The following ETV1 variants were observed in gnomAD, a reference collection of about 807,000 sequenced individuals.
ETV1 encodes ETS variant transcription factor 1, also known as ETS translocation variant 1.
ETV1 carries 27 observed loss-of-function variants against 62.3 expected under a neutral mutation model. The observed-to-expected ratio is 0.43, with a 90% CI of 0.32 to 0.60. The LOEUF (loss-of-function observed/expected upper bound fraction) is 0.60, where lower values mean the gene tolerates loss of function less well. ETV1 is among the 20% of genes least tolerant of loss of function. The pLI, the probability that ETV1 is intolerant of heterozygous loss-of-function variation, is 0.06. For missense variants in ETV1, 605 were observed against 605.8 expected, an observed-to-expected ratio of 1.00 and a Z score of 0.01; for synonymous variants, 222 against 199.6, an observed-to-expected ratio of 1.11 and a Z score of -0.94.
chr7:13,917,651 G>C (rs1208790702), intron 9 of ETV1, among the ~76,000 whole-genome samples: 5 of 149,400 alleles, frequency 3.3e-5, no homozygotes, highest in Non-Finnish European at 5.9e-5. Context: ...ACCATACTCT[G>C]ACAATTAACA....
chr7:13,980,601 C>T (rs1781881154), intron 5 of ETV1, among the ~76,000 whole-genome samples: 1 of 152,042 alleles, frequency 6.6e-6, no homozygotes, highest in African/African-American at 2.4e-5. Flanking sequence ...TACCAAAAGA[C>T]CAATAAAATG....
chr7:13,907,187 G>C (rs140668695), intron 11 of ETV1, among the ~76,000 whole-genome samples: 3,899 of 152,088 alleles, frequency 0.026, 74 homozygotes, highest in Middle Eastern at 0.082. Context: ...AAATCTTGTG[G>C]GTAATTCAGG....
At chr7:13,906,790 C>G (rs571079282) in intron 11 of ETV1, among the ~76,000 whole-genome samples, 191 bp from the exon 12 acceptor site, 48 of 152,018 alleles carry the variant, frequency 3.2e-4, no homozygotes, top group South Asian at 6.2e-4. Flanking sequence ...GCAAGCTGTA[C>G]GAACTTACAG....
chr7:13,938,494 A>G (rs1017534776), intron 7 of ETV1, among the ~76,000 whole-genome samples: 7 of 152,348 alleles, frequency 4.6e-5, no homozygotes, highest in African/African-American at 1.4e-4. Context: ...TCTTTATGCA[A>G]TTAAAGGCCA....
intron 6 of ETV1, among the ~76,000 whole-genome samples, chr7:13,946,084 G>A (rs1041491287): frequency 6.6e-6 from 1 of 152,184 alleles, no homozygotes; most frequent in South Asian, 2.1e-4. Context: ...TTCTTCAAGT[G>A]TACCAAATCA....
intron 4 of ETV1, 168 bp from the exon 5 acceptor site, chr7:13,986,853 C>A: frequency 3.4e-6 from 2 of 580,162 alleles, no homozygotes; most frequent in Non-Finnish European, 3.0e-6. Context: ...AATAATACTG[C>A]CTACTTTTCA....
intron 11 of ETV1, among the ~76,000 whole-genome samples, chr7:13,906,892 T>A (rs1032086941): frequency 2.0e-5 from 3 of 152,094 alleles, no homozygotes; most frequent in African/African-American, 7.2e-5. Flanking sequence ...GAACTATCTT[T>A]TTTTTTAAAT....
At chr7:13,941,862 CGAATAAAT>C (rs1299694639) in intron 6 of ETV1, among the ~76,000 whole-genome samples, 2 of 116,880 alleles carry the variant, frequency 1.7e-5, no homozygotes, top group African/African-American at 6.6e-5. Flanking sequence ...GATTCTGCCT[CGAATAAAT>C]AAATAAATAA....
Position 13,893,302 on chromosome 7 carries a change from AC to A in ETV1, c.*2563del, listed in dbSNP as rs1781504675. 4.3e-6 allele frequency: 1 copy of A among 231,982 alleles called. No homozygotes were observed. The highest frequency in any genetic ancestry group is 2.2e-5 in the African/African-American group (1 of 45,306). The allele number at this position is 231,982 out of a possible 1,614,324, so 14.4% of individuals were successfully genotyped here. On this transcript the variant is annotated 3_prime_UTR_variant, in exon 14 of 14. Coordinates refer to ENST00000430479, the MANE Select transcript of ETV1 (RefSeq NM_004956.5). The stretch of plus-strand genomic sequence containing the variant: ...AATCAGCTGCCAGATTTATTAATCT[AC>A]CTGAAAACAAAAACATAAAAACTCA...
At position 13,965,014 on chromosome 7, in the gene ETV1, G is replaced by A. The variant is rs141248404; in HGVS notation, c.235+12413C>T. Among the ~76,000 whole-genome samples the A allele has an allele frequency of 8.1e-4, 123 of 152,120 alleles. 1 individual carries two copies. In the East Asian group the frequency reaches 0.019, roughly 23 times the overall value. On this transcript the variant is annotated intron_variant, in intron 6 of 13. Coordinates refer to ENST00000430479, the MANE Select transcript of ETV1 (RefSeq NM_004956.5). ...TATAATGGGAATTCCATGAACATTA[G>A]TAATACTCCTACTACTACTACTAAT...
At chr7:13,896,501 C>T (rs546911675) in intron 13 of ETV1, among the ~76,000 whole-genome samples, 3 of 152,096 alleles carry the variant, frequency 2.0e-5, no homozygotes, top group South Asian at 2.1e-4. Flanking sequence ...CACTGTCCCT[C>T]TTAATATTAC....
rs138434078 is a variant in ETV1, at chr7:13,955,368, G to C, written c.236-16122C>G. Among the ~76,000 whole-genome samples, 944 of 152,258 alleles carry C rather than the reference G, an allele frequency of 6.2e-3. 8 individuals are homozygous for C. The highest frequency in any genetic ancestry group is 0.022 in the African/African-American group (901 of 41,550). Reference sequence around the variant, plus strand: ...TATGACATACAAAAGTAAAGACTGTGATTGGGCAGGGCCACTTTTTTTTAA... The same window carrying C: ...TATGACATACAAAAGTAAAGACTGTCATTGGGCAGGGCCACTTTTTTTTAA... On this transcript the variant is annotated intron_variant, in intron 6 of 13. Transcript: ENST00000430479.
At chr7:13,935,473 A>G (rs1786696174) in intron 8 of ETV1, among the ~76,000 whole-genome samples, 1 of 152,246 alleles carries the variant, frequency 6.6e-6, no homozygotes, top group Non-Finnish European at 1.5e-5. Context: ...CAGTAGATAG[A>G]TTAATTTTCC....
intron 9 of ETV1, among the ~76,000 whole-genome samples, chr7:13,929,333 G>A (rs1775820971): frequency 6.6e-6 from 1 of 152,146 alleles, no homozygotes; most frequent in Non-Finnish European, 1.5e-5. Context: ...TATACAATCT[G>A]TTAAAATTTC....
intron 8 of ETV1, among the ~76,000 whole-genome samples, chr7:13,935,240 G>A (rs1314782835): frequency 6.6e-6 from 1 of 152,008 alleles, no homozygotes; most frequent in Admixed American, 6.6e-5. Context: ...TGGAAAAGAT[G>A]GTCAACAGTT....
At chr7:13,918,069 A>G (rs1784391014) in intron 9 of ETV1, among the ~76,000 whole-genome samples, 1 of 152,194 alleles carries the variant, frequency 6.6e-6, no homozygotes, top group African/African-American at 2.4e-5. Flanking sequence ...GTGGAATTTC[A>G]ATTTTAAATT....
At chr7:13,934,447 G>C (rs1310160346) in intron 8 of ETV1, among the ~76,000 whole-genome samples, 1 of 152,176 alleles carries the variant, frequency 6.6e-6, no homozygotes, top group Non-Finnish European at 1.5e-5. Flanking sequence ...AGTTGCCAGT[G>C]GCACATCTTC....
chr7:13,924,577 C>G (rs1785201325), intron 9 of ETV1, among the ~76,000 whole-genome samples: 1 of 152,118 alleles, frequency 6.6e-6, no homozygotes, highest in South Asian at 2.1e-4. Context: ...AAGCACACCT[C>G]GTATCTTCAA....
chr7:13,903,880 C>A (rs1450255294), intron 12 of ETV1, among the ~76,000 whole-genome samples: 1 of 151,866 alleles, frequency 6.6e-6, no homozygotes, highest in African/African-American at 2.4e-5. Context: ...AAAGATTATG[C>A]GTTTTCTAAA....
Sources: allele counts gnomAD v4.1 joint callset (sites outside exome capture counted in the v4.1 genomes callset), GRCh38; gene constraint gnomAD v4.1.1; transcripts MANE v1.5; gene names NCBI Gene and HGNC (gene_info 2026-07-23, HGNC 2026-07-21).